Variants in EIF4E3 observed in about 807,000 individuals in gnomAD.
The protein encoded by EIF4E3 is eukaryotic translation initiation factor 4E family member 3.
EIF4E3 carries 26 observed loss-of-function variants against 31.7 expected under a neutral mutation model. That is an observed-to-expected ratio of 0.82 (90% CI 0.60 to 1.14). The LOEUF (loss-of-function observed/expected upper bound fraction) is 1.14. Ranked by LOEUF, EIF4E3 falls within the 50% of genes most tolerant of loss-of-function variation. The pLI, the probability that EIF4E3 is intolerant of heterozygous loss-of-function variation, is 0.00. For missense variants in EIF4E3, 304 were observed against 270.9 expected (o/e 1.12, Z -0.86); for synonymous variants, 128 against 107.7 (o/e 1.19, Z -1.17).
chr3:71,673,067 TG>T (rs1015163146), downstream of EIF4E3, among the ~76,000 whole-genome samples: 1 of 152,180 alleles, frequency 6.6e-6, no homozygotes, highest in African/African-American at 2.4e-5. Flanking sequence ...AGCTGGGTCA[TG>T]GGACAGATGC....
At chr3:71,692,421 T>C (rs1363477093) in intron 5 of EIF4E3, among the ~76,000 whole-genome samples, 1 of 152,216 alleles carries the variant, frequency 6.6e-6, no homozygotes, top group Non-Finnish European at 1.5e-5. Context: ...AGACTATTTT[T>C]CCCTGGTTCT....
intron 1 of EIF4E3, among the ~76,000 whole-genome samples, chr3:71,715,047 CA>C (rs1162909202): frequency 6.6e-6 from 1 of 152,214 alleles, no homozygotes; most frequent in African/African-American, 2.4e-5. Context: ...CTCCACAGTC[CA>C]GGGGTGCTCA....
chr3:71,710,142 C>A (rs1441886525), intron 2 of EIF4E3, among the ~76,000 whole-genome samples: 1 of 152,200 alleles, frequency 6.6e-6, no homozygotes, highest in Non-Finnish European at 1.5e-5. Context: ...AACCACACTG[C>A]AGTCTGCCTT....
upstream of EIF4E3, among the ~76,000 whole-genome samples, chr3:71,730,045 G>A (rs187610849): frequency 6.6e-6 from 1 of 152,310 alleles, no homozygotes; most frequent in African/African-American, 2.4e-5. Context: ...AGTCTTCAGT[G>A]CCGGTAGGTA....
intron 2 of EIF4E3, among the ~76,000 whole-genome samples, chr3:71,707,091 C>A (rs1043387642): frequency 3.3e-5 from 5 of 152,100 alleles, no homozygotes; most frequent in African/African-American, 4.8e-5. Context: ...TATATAGTTT[C>A]CTGATATAAA....
At chr3:71,754,197 C>T, upstream of EIF4E3, 2 of 1,415,474 alleles carry the variant, frequency 1.4e-6, no homozygotes, top group Non-Finnish European at 1.9e-6. This position sits in a 1 kb window ranked among gnomAD's most constrained non-coding sequence, Gnocchi z 5.8. Context: ...GCGCAGCCTG[C>T]ACCGCGCCCC....
chr3:71,671,726 G>A (rs1485232965), downstream of EIF4E3, among the ~76,000 whole-genome samples: 3 of 152,032 alleles, frequency 2.0e-5, no homozygotes. Context: ...ATATAGATTT[G>A]TGCATGCTGC....
At chr3:71,710,522 C>G (rs1347108182) in intron 1 of EIF4E3, 38 bp from the exon 2 acceptor site, 1 of 1,549,010 alleles carries the variant, frequency 6.5e-7, no homozygotes, top group Non-Finnish European at 8.7e-7. Flanking sequence ...ACAAACAAAA[C>G]AAGCAGTCAG....
At chr3:71,696,591 C>T in intron 3 of EIF4E3, 71 bp from the exon 4 acceptor site, 1 of 1,545,260 alleles carries the variant, frequency 6.5e-7, no homozygotes, top group Non-Finnish European at 8.9e-7. Context: ...GATTAAATAT[C>T]TCTTCATACA....
chr3:71,700,347 G>C (rs1314397330), intron 2 of EIF4E3, among the ~76,000 whole-genome samples: 2 of 152,144 alleles, frequency 1.3e-5, no homozygotes, highest in Non-Finnish European at 2.9e-5. Flanking sequence ...CAGCTAGGTA[G>C]TATCCACTAA....
At chr3:71,707,279 G>A (rs1430507069) in intron 2 of EIF4E3, among the ~76,000 whole-genome samples, 3 of 152,064 alleles carry the variant, frequency 2.0e-5, no homozygotes, top group Non-Finnish European at 2.9e-5. Context: ...GATTCAGACA[G>A]GTTATATAAC....
At chr3:71,713,489 T>G (rs938616795) in intron 1 of EIF4E3, among the ~76,000 whole-genome samples, 1 of 151,132 alleles carries the variant, frequency 6.6e-6, no homozygotes. Flanking sequence ...CAGGCTGGAG[T>G]GCAGTGGCAT....
In EIF4E3 at chr3:71,681,277, C is replaced by T. The variant is rs1305178079; in HGVS notation, c.*3405G>A. On this transcript the variant is annotated 3_prime_UTR_variant, in exon 7 of 7. Transcript: ENST00000425534. ...TCTTAAAAAAATTCTACAAACATAG[C>T]TGGATAAATTCTGCTGCTGAGCCAG... 1.3e-5 allele frequency: 2 copies of T among 152,182 alleles called. No individual in the cohort carries two copies. Among genetic ancestry groups the T allele is most frequent in the African/African-American group, 4.8e-5 (2 of 41,452 alleles). 9.4% of individuals were successfully genotyped at this position (152,182 alleles called of 1,614,324 possible).
intron 6 of EIF4E3, among the ~76,000 whole-genome samples, chr3:71,685,704 T>C (rs1057353263): frequency 1.3e-5 from 2 of 152,208 alleles, no homozygotes; most frequent in African/African-American, 4.8e-5. Context: ...CAAAAATATT[T>C]TCAAACACTT....
At position 71,710,412 on chromosome 3, in the gene EIF4E3, C is replaced by T; in HGVS notation, c.249G>A (p.Gln83=). ...CAGTTAGTCCCTCTCTTGATCTTAC[C>T]TGTACTGTCTGTACTGTGTAGATTT... ...LKKIYTVQTV[Q]IFWSVYNNIP... The change falls in exon 2 of 7, where the codon CAG becomes CAA. Residue 83 remains glutamine, a splice_region_variant and synonymous_variant. Transcript: ENST00000425534. 1 of 1,552,064 alleles carries T rather than the reference C, an allele frequency of 6.4e-7. No homozygotes were observed. The highest frequency in any genetic ancestry group is 8.7e-7 in the Non-Finnish European group (1 of 1,147,046).
Position 71,682,514 on chromosome 3 carries a change from A to G in EIF4E3, c.*2168T>C, listed in dbSNP as rs1411913695. On this transcript the variant is annotated 3_prime_UTR_variant, in exon 7 of 7. Coordinates refer to ENST00000425534, the MANE Select transcript of EIF4E3 (RefSeq NM_001134651.2). ...CATACAAAGTCTATTATGATTAAAT[A>G]TTCAATTAAAACAATTTCCAAACCA... The G allele has an allele frequency of 1.3e-5, 2 of 152,262 alleles. No individual in the cohort carries two copies. Among genetic ancestry groups the G allele is most frequent in the Non-Finnish European group, 2.9e-5 (2 of 68,042 alleles). 9.4% of individuals were successfully genotyped at this position (152,262 alleles called of 1,614,324 possible).
rs577080097 is a variant in EIF4E3, at chr3:71,720,373, A to T, written c.176+4819T>A. ...ACCATGCCCGGCTAATTTTTTTTTT[A>T]AAATAGAGACGAGGTATTGCTATGT... is the stretch of plus-strand genomic sequence containing the variant. On this transcript the variant is annotated intron_variant, in intron 1 of 6. Transcript: ENST00000425534. Among the ~76,000 whole-genome samples, 405 of 151,770 alleles carry T rather than the reference A, an allele frequency of 2.7e-3. 2 individuals carry two copies. The highest frequency in any genetic ancestry group is 7.3e-3 in the African/African-American group (303 of 41,408).
intron 1 of EIF4E3, among the ~76,000 whole-genome samples, chr3:71,752,734 A>T (rs566465252): frequency 2.0e-5 from 3 of 152,352 alleles, no homozygotes; most frequent in South Asian, 4.1e-4. Context: ...ATGACAAATT[A>T]TAAGTGCTAA....
At chr3:71,664,552 C>T in the EIF4E3 span, among the ~76,000 whole-genome samples, 2 of 152,038 alleles carry the variant, frequency 1.3e-5, no homozygotes, top group Admixed American at 1.3e-4. Context: ...AACCTTGGGG[C>T]TTACTGGGAC....
Sources: gnomAD v4.1 joint callset for allele counts (sites outside exome capture counted in the v4.1 genomes callset) on GRCh38, gnomAD v4.1.1 for gene constraint, Gnocchi (gnomAD v3.1) non-coding constraint, MANE v1.5 for transcripts, NCBI Gene and HGNC (gene_info 2026-07-23, HGNC 2026-07-21) for gene names.